PIGN: variants seen among roughly 807,000 people sequenced by gnomAD.
PIGN encodes GPI ethanolamine phosphate transferase 1.
Under a neutral mutation model 125.4 loss-of-function variants are expected in PIGN, and 117 were observed. The ratio of observed to expected loss-of-function variants is 0.93; its 90% confidence interval spans 0.80 to 1.09. The LOEUF is 1.09. PIGN is among the 50% of genes least tolerant of loss of function. The pLI is 0.00. For missense variants in PIGN, 1,075 were observed against 1,094.9 expected (o/e 0.98, Z 0.26); for synonymous variants, 392 against 377.8 (o/e 1.04, Z -0.44).
At chr18:62,124,021 TAG>T (rs918850687) in intron 14 of PIGN, among the ~76,000 whole-genome samples, 3 of 152,152 alleles carry the variant, frequency 2.0e-5, no homozygotes, top group African/African-American at 4.8e-5. Context: ...AAGCATCATA[TAG>T]AGAGACTGAA....
At chr18:62,159,009 T>C (rs1312551975) in intron 4 of PIGN, among the ~76,000 whole-genome samples, 3 of 152,176 alleles carry the variant, frequency 2.0e-5, no homozygotes, top group Non-Finnish European at 4.4e-5. Context: ...CCCAGCACTT[T>C]GGGAAGCTGA....
chr18:62,171,839 T>C (rs552995700), intron 1 of PIGN, among the ~76,000 whole-genome samples: 8 of 152,272 alleles, frequency 5.3e-5, no homozygotes, highest in Non-Finnish European at 1.0e-4. Context: ...AGTCATTAAG[T>C]ATTATCCTTT....
chr18:62,049,931 T>A (rs1047109377), intron 30 of PIGN, among the ~76,000 whole-genome samples: 4 of 148,846 alleles, frequency 2.7e-5, no homozygotes, highest in Admixed American at 2.7e-4. Context: ...TAGCCAGTTT[T>A]CCCAGCACCA....
At chr18:62,175,078 T>TTAATA (rs146004193) in intron 1 of PIGN, among the ~76,000 whole-genome samples, 82,132 of 143,618 alleles carry the variant, frequency 0.57, 24,222 homozygotes, top group East Asian at 0.78. Context: ...ATATATATAT[T>TTAATA]TAATATATCT....
intron 23 of PIGN, among the ~76,000 whole-genome samples, chr18:62,025,742 G>T (rs973742214): frequency 6.6e-6 from 1 of 152,014 alleles, no homozygotes; most frequent in Admixed American, 6.6e-5. Context: ...CTAAGCCAAA[G>T]TACCCATATT....
intron 22 of PIGN, 21 bp from the exon 23 acceptor site, chr18:62,095,971 T>A: frequency 6.7e-7 from 1 of 1,490,724 alleles, no homozygotes; most frequent in Non-Finnish European, 9.4e-7. Flanking sequence ...ACAGAACAGG[T>A]CATCTGTCAG....
In PIGN at chr18:62,042,016, TATTTA is replaced by T. The variant is rs2030398865; in HGVS notation, c.*3835_*3839del. The stretch of plus-strand genomic sequence containing the variant: ...GGTTTGACTAGATGTTTCTCAAATA[TATTTA>T]ATTAAGAAACTCTTTTCAGCTGGGT... On this transcript the variant is annotated 3_prime_UTR_variant, in exon 31 of 31. Transcript: ENST00000640252. 1 of 152,142 alleles carries T rather than the reference TATTTA, an allele frequency of 6.6e-6. No individual in the cohort carries two copies. The highest frequency in any genetic ancestry group is 2.4e-5 in the African/African-American group (1 of 41,418). 9.4% of individuals were successfully genotyped at this position (152,142 alleles called of 1,614,324 possible).
rs2038085212 is a variant in PIGN at position 62,186,942 on chromosome 18, C to T, written c.-334G>A. 1 of 152,452 alleles carries T rather than the reference C, an allele frequency of 6.6e-6. No homozygotes were observed. The highest frequency in any genetic ancestry group is 2.4e-5 in the African/African-American group (1 of 41,462). The allele number at this position is 152,452 out of a possible 1,614,324, so 9.4% of individuals were successfully genotyped here. ...TAAAGCTCTCGGGCAGTGGTCCCCT[C>T]TACCCACTGAAGCGATAGCCGGGAG... On this transcript the variant is annotated 5_prime_UTR_variant, in exon 1 of 31. Coordinates refer to ENST00000640252, the MANE Select transcript of PIGN (RefSeq NM_176787.5).
At chr18:62,169,765 T>A (rs1330740856) in intron 1 of PIGN, among the ~76,000 whole-genome samples, 1 of 152,006 alleles carries the variant, frequency 6.6e-6, no homozygotes, top group Non-Finnish European at 1.5e-5. Context: ...GGACCACAGG[T>A]GAGAGCCAGC....
chr18:62,161,023 CTCA>C, intron 4 of PIGN, 107 bp downstream of exon 4: 1 of 657,206 alleles, frequency 1.5e-6, no homozygotes, highest in Non-Finnish European at 2.6e-6. Context: ...TATTCTCTTT[CTCA>C]TCATCACCCC....
intron 7 of PIGN, among the ~76,000 whole-genome samples, chr18:62,152,860 A>ACT (rs2036586934): frequency 1.7e-5 from 1 of 59,616 alleles, no homozygotes; most frequent in African/African-American, 5.8e-5. Context: ...GCATATATAT[A>ACT]TATATATATT....
chr18:62,061,966 A>T (rs1381153639), intron 30 of PIGN, among the ~76,000 whole-genome samples: 2 of 152,302 alleles, frequency 1.3e-5, no homozygotes, highest in Non-Finnish European at 2.9e-5. Flanking sequence ...AATAAACTAG[A>T]TGTTTATGAA....
intron 23 of PIGN, 45 bp downstream of exon 23, chr18:62,095,803 T>C (rs769521377): frequency 9.4e-7 from 1 of 1,060,470 alleles, no homozygotes; most frequent in Non-Finnish European, 1.4e-6. Context: ...CAATATATCA[T>C]TTAAAACTTG....
At chr18:62,169,022 T>C (rs1238514044) in intron 1 of PIGN, among the ~76,000 whole-genome samples, 1 of 151,956 alleles carries the variant, frequency 6.6e-6, no homozygotes, top group Non-Finnish European at 1.5e-5. Context: ...TGCTCAGCTA[T>C]TTTTGTATTT....
At chr18:62,053,309 T>C (rs1599403650) in intron 30 of PIGN, among the ~76,000 whole-genome samples, 2 of 152,122 alleles carry the variant, frequency 1.3e-5, no homozygotes, top group Non-Finnish European at 2.9e-5. Flanking sequence ...TACAAAGAGA[T>C]ACATTAATAA....
At chr18:62,142,563 A>C (rs1463357560) in intron 11 of PIGN, among the ~76,000 whole-genome samples, 2 of 152,170 alleles carry the variant, frequency 1.3e-5, no homozygotes, top group African/African-American at 4.8e-5. Context: ...GGAAGAAACA[A>C]GTTTCTACAA....
intron 14 of PIGN, among the ~76,000 whole-genome samples, chr18:62,128,972 C>A (rs1433368791): frequency 6.6e-6 from 1 of 152,118 alleles, no homozygotes; most frequent in Non-Finnish European, 1.5e-5. Context: ...CCCACTCACT[C>A]CCTGCAAAAT....
chr18:62,108,079 A>C (rs1027099364), intron 17 of PIGN, among the ~76,000 whole-genome samples: 7 of 152,206 alleles, frequency 4.6e-5, no homozygotes, highest in African/African-American at 1.7e-4. Context: ...GACTGAAAGC[A>C]ACAGCTGCAG....
intron 30 of PIGN, among the ~76,000 whole-genome samples, chr18:62,053,648 G>C (rs1443659615): frequency 1.3e-5 from 2 of 152,138 alleles, no homozygotes; most frequent in Non-Finnish European, 2.9e-5. Flanking sequence ...ATAGACTTCA[G>C]AGCAAACAGA....
Sources: allele counts gnomAD v4.1 joint callset (sites outside exome capture counted in the v4.1 genomes callset), GRCh38; gene constraint gnomAD v4.1.1; transcripts MANE v1.5; gene names NCBI Gene and HGNC (gene_info 2026-07-23, HGNC 2026-07-21).